CRYBG1: variants seen among roughly 807,000 people sequenced by gnomAD.
The protein encoded by CRYBG1 is beta/gamma crystallin domain-containing protein 1.
A neutral mutation model predicts 189.2 loss-of-function variants in CRYBG1; 139 were observed. That is an observed-to-expected ratio of 0.73 (90% CI 0.64 to 0.85). The LOEUF is 0.85. Among genes scored for constraint, CRYBG1 ranks in the 40% least tolerant of loss-of-function variants. The pLI, the probability that CRYBG1 is intolerant of heterozygous loss-of-function variation, is 0.00. For synonymous variants in CRYBG1, 1,023 were observed against 1,017.1 expected (o/e 1.01, Z -0.11); for missense variants, 2,611 against 2,675.8 (o/e 0.98, Z 0.53).
At chr6:106,447,767 T>A (rs900537888) in intron 1 of CRYBG1, among the ~76,000 whole-genome samples, 1 of 152,042 alleles carries the variant, frequency 6.6e-6, no homozygotes, top group African/African-American at 2.4e-5. Flanking sequence ...TTCTGCCCAT[T>A]CGATAAGCCC....
chr6:106,519,030 C>G, intron 3 of CRYBG1, 101 bp from the exon 4 acceptor site: 1 of 1,212,036 alleles, frequency 8.3e-7, no homozygotes, highest in Non-Finnish European at 1.1e-6. Flanking sequence ...TGTTATATAT[C>G]AGGGAGATGT....
At chr6:106,462,740 C>T (rs1357698543) in intron 2 of CRYBG1, among the ~76,000 whole-genome samples, 2 of 152,210 alleles carry the variant, frequency 1.3e-5, no homozygotes. Flanking sequence ...TAAGATTCTG[C>T]ATCAACAGCT....
rs141855322 is a variant in CRYBG1 at position 106,409,814 on chromosome 6, T to C, written c.174-41880T>C. Among the ~76,000 whole-genome samples, 1,272 of 152,332 alleles carry C rather than the reference T, an allele frequency of 8.4e-3. 13 individuals carry two copies. Among genetic ancestry groups the C allele is most frequent in the Non-Finnish European group, 0.013 (894 of 68,018 alleles). On this transcript the variant is annotated intron_variant, in intron 1 of 21. Transcript: ENST00000633556. ...AATAAATGGTGCTGGGAAAACTGGC[T>C]AGCCATATGCAGAAAACTGAATCTG... is the stretch of plus-strand genomic sequence containing the variant.
chr6:106,464,567 CT>C (rs202231652), intron 2 of CRYBG1, among the ~76,000 whole-genome samples: 2,114 of 151,500 alleles, frequency 0.014, 45 homozygotes, highest in African/African-American at 0.049. Context: ...AAACTTTTTC[CT>C]ATTTGATTTT....
At chr6:106,424,307 C>T (rs1279198670) in intron 1 of CRYBG1, among the ~76,000 whole-genome samples, 2 of 152,086 alleles carry the variant, frequency 1.3e-5, no homozygotes, top group African/African-American at 4.8e-5. Flanking sequence ...AACAAAAATA[C>T]AAACATTATT....
intron 10 of CRYBG1, 58 bp from the exon 11 acceptor site, chr6:106,543,382 A>C: frequency 6.7e-7 from 1 of 1,496,862 alleles, no homozygotes; most frequent in Non-Finnish European, 9.2e-7. Flanking sequence ...GACTGATTTA[A>C]TGTTAAGCTG....
chr6:106,495,058 A>G (rs1002874544), intron 2 of CRYBG1, among the ~76,000 whole-genome samples: 4 of 152,174 alleles, frequency 2.6e-5, no homozygotes, highest in African/African-American at 9.7e-5. Context: ...ACTACCTACT[A>G]CTTCCTCTGT....
rs1365638088 is a variant in CRYBG1, at chr6:106,512,806, G to T, written c.1689G>T (p.Ala563=). 2 of 1,575,026 alleles carry T rather than the reference G, an allele frequency of 1.3e-6. No homozygotes were observed. The highest frequency in any genetic ancestry group is 2.7e-5 in the African/African-American group (2 of 74,142). Residue 563 remains alanine, a synonymous_variant, in exon 3 of 22, where the codon GCG becomes GCT. Transcript: ENST00000633556. ...KGTAAESGEE[A]ARAIPRELPV... ...CTGCGGCCGAGAGCGGGGAGGAGGC[G>T]GCGCGGGCCATCCCCCGCGAGCTCC...
chr6:106,512,563 G>A lies in CRYBG1; in HGVS notation c.1446G>A (p.Ala482=). 5 of 1,607,068 alleles carry A rather than the reference G, an allele frequency of 3.1e-6. No individual in the cohort carries two copies. Among genetic ancestry groups the A allele is most frequent in the South Asian group, 1.1e-5 (1 of 90,184 alleles). The part of the protein sequence containing the change: ...AALDGGVASA[A]SPESKPSPGT... The stretch of plus-strand genomic sequence containing the variant: ...TCGACGGGGGCGTTGCCTCCGCTGC[G>A]AGCCCAGAGTCCAAGCCCAGCCCCG... The change falls in exon 3 of 22, where the codon GCG becomes GCA. Residue 482 remains alanine, a synonymous_variant. Transcript: ENST00000633556.
At chr6:106,551,164 AT>A (rs980354491) in intron 13 of CRYBG1, among the ~76,000 whole-genome samples, 10 of 150,420 alleles carry the variant, frequency 6.6e-5, no homozygotes, top group African/African-American at 9.8e-5. Flanking sequence ...CCCAGGGCCT[AT>A]TTTTTTTTCT....
intron 2 of CRYBG1, among the ~76,000 whole-genome samples, chr6:106,454,226 A>C (rs1487631778): frequency 6.6e-6 from 1 of 152,016 alleles, no homozygotes; most frequent in African/African-American, 2.4e-5. Flanking sequence ...ATATCATACC[A>C]GGGCCGGGAG....
chr6:106,426,957 C>T lies in CRYBG1; in HGVS notation c.174-24737C>T, dbSNP rs568655054. ...TTTACTCAAATTATCAGCAACATCT[C>T]GCAACGCCTCCAGGTTTCCTTTTTT... On this transcript the variant is annotated intron_variant, in intron 1 of 21. Transcript: ENST00000633556. 3.9e-5 allele frequency among the ~76,000 whole-genome samples: 6 copies of T among 152,326 alleles called. No individual in the cohort carries two copies. The East Asian group carries it at 7.7e-4, about 20-fold the overall frequency.
At chr6:106,363,724 C>G (rs1351842779) in intron 1 of CRYBG1, among the ~76,000 whole-genome samples, 1 of 152,164 alleles carries the variant, frequency 6.6e-6, no homozygotes, top group Non-Finnish European at 1.5e-5. Flanking sequence ...ATGAATTTAT[C>G]TACTAGCTTT....
intron 2 of CRYBG1, among the ~76,000 whole-genome samples, chr6:106,466,980 G>C (rs1485692534): frequency 6.6e-6 from 1 of 152,206 alleles, no homozygotes; most frequent in East Asian, 1.9e-4. Flanking sequence ...TTTGAAAGCA[G>C]ATGGGAACTG....
At chr6:106,510,429 G>A (rs1773223868) in intron 2 of CRYBG1, among the ~76,000 whole-genome samples, 1 of 152,192 alleles carries the variant, frequency 6.6e-6, no homozygotes, top group Admixed American at 6.5e-5. Context: ...GCCTTCTGGC[G>A]CGGGCACTGG....
At chr6:106,491,813 A>G (rs1209093517) in intron 2 of CRYBG1, among the ~76,000 whole-genome samples, 1 of 152,102 alleles carries the variant, frequency 6.6e-6, no homozygotes, top group East Asian at 1.9e-4. Flanking sequence ...AAACCTTAAA[A>G]GTTTTCATAT....
intron 1 of CRYBG1, among the ~76,000 whole-genome samples, chr6:106,377,690 A>G (rs1770200397): frequency 6.7e-6 from 1 of 149,994 alleles, no homozygotes; most frequent in Admixed American, 6.6e-5. Context: ...AATTTTGTCT[A>G]TTTTTAACCT....
intron 1 of CRYBG1, among the ~76,000 whole-genome samples, chr6:106,422,814 T>A (rs1455772912): frequency 6.6e-6 from 1 of 152,178 alleles, no homozygotes; most frequent in Non-Finnish European, 1.5e-5. Context: ...AGTCAACAGC[T>A]GGATAAGGAA....
At chr6:106,552,096 A>G in intron 14 of CRYBG1, 88 bp from the exon 15 acceptor site, 1 of 1,431,974 alleles carries the variant, frequency 7.0e-7, no homozygotes. Flanking sequence ...TATTTTTAGC[A>G]GTAATTGCTA....
Sources: gnomAD v4.1 joint callset for allele counts (sites outside exome capture counted in the v4.1 genomes callset) on GRCh38, gnomAD v4.1.1 for gene constraint, MANE v1.5 for transcripts, NCBI Gene and HGNC (gene_info 2026-07-23, HGNC 2026-07-21) for gene names.